The following EYS variants were observed in gnomAD, a reference collection of about 807,000 sequenced individuals.
EYS encodes protein eyes shut homolog.
Under a neutral mutation model 282.1 loss-of-function variants are expected in EYS, and 250 were observed. That is an observed-to-expected ratio of 0.89 (90% confidence interval 0.80 to 0.98). The LOEUF (loss-of-function observed/expected upper bound fraction) is 0.98, where lower values mean the gene tolerates loss of function less well. Ranked by LOEUF, EYS falls within the 50% of genes least tolerant of loss-of-function variation. EYS has a pLI of 0.00. For synonymous variants in EYS, 1,355 were observed against 1,282.9 expected, an observed-to-expected ratio of 1.06 and a Z score of -1.20; for missense variants, 4,016 against 3,709.0, an observed-to-expected ratio of 1.08 and a Z score of -2.15.
At chr6:64,262,787 A>T (rs142158866) in intron 30 of EYS, among the ~76,000 whole-genome samples, 2,456 of 152,104 alleles carry the variant, frequency 0.016, 47 homozygotes, top group Non-Finnish European at 0.02. Flanking sequence ...TTCAATAGGA[A>T]CAATTTTTCC....
At chr6:64,536,977 T>G (rs923107133) in intron 26 of EYS, among the ~76,000 whole-genome samples, 2 of 151,982 alleles carry the variant, frequency 1.3e-5, no homozygotes, top group African/African-American at 4.8e-5. Flanking sequence ...AGAGCTAAAT[T>G]TATGTGTCTC....
chr6:65,123,775 C>T (rs1327645757), intron 12 of EYS, among the ~76,000 whole-genome samples: 1 of 151,874 alleles, frequency 6.6e-6, no homozygotes, highest in African/African-American at 2.4e-5. Context: ...CACACACACA[C>T]ACACACACAC....
chr6:63,784,002 A>G (rs1770303343), intron 39 of EYS, among the ~76,000 whole-genome samples: 1 of 152,224 alleles, frequency 6.6e-6, no homozygotes, highest in South Asian at 2.1e-4. Context: ...AACAAAAAAG[A>G]GGGAATTCTT....
chr6:64,185,838 T>C (rs1764921972), intron 31 of EYS, among the ~76,000 whole-genome samples: 1 of 152,172 alleles, frequency 6.6e-6, no homozygotes, highest in South Asian at 2.1e-4. Flanking sequence ...TGCTATTCAC[T>C]TAATACACAT....
chr6:65,017,794 C>T (rs559925529), intron 13 of EYS, among the ~76,000 whole-genome samples: 7 of 152,246 alleles, frequency 4.6e-5, no homozygotes, highest in African/African-American at 1.7e-4. Context: ...CAAATTAAAG[C>T]TTTAGCTTTA....
At chr6:64,585,345 G>GA (rs2149827353) in intron 26 of EYS, among the ~76,000 whole-genome samples, 2 of 152,198 alleles carry the variant, frequency 1.3e-5, no homozygotes, top group South Asian at 4.1e-4. Context: ...GGTAGGGGTT[G>GA]AAATACCTAC....
intron 22 of EYS, among the ~76,000 whole-genome samples, chr6:64,784,222 C>A (rs527662850): frequency 4.6e-5 from 7 of 151,114 alleles, no homozygotes; most frequent in African/African-American, 1.7e-4. Context: ...AATTTGTATT[C>A]ATTGTTTATT....
At chr6:64,428,706 C>T (rs558679327) in intron 28 of EYS, among the ~76,000 whole-genome samples, 1 of 152,216 alleles carries the variant, frequency 6.6e-6, no homozygotes, top group East Asian at 1.9e-4. Context: ...ATGCATTTGG[C>T]AGAAATAAGC....
chr6:65,693,736 T>C (rs375746980), intron 1 of EYS, among the ~76,000 whole-genome samples: 1 of 150,098 alleles, frequency 6.7e-6, no homozygotes, highest in African/African-American at 2.4e-5. Flanking sequence ...AAAATCCATC[T>C]GAATTTTTTT....
intron 26 of EYS, among the ~76,000 whole-genome samples, chr6:64,527,077 A>G (rs982999220): frequency 6.6e-6 from 1 of 151,806 alleles, no homozygotes; most frequent in Admixed American, 6.6e-5. Context: ...TTCTGGTGAC[A>G]TTTTGAAGCC....
chr6:64,524,402 G>T (rs1350349892), intron 26 of EYS, among the ~76,000 whole-genome samples: 1 of 151,762 alleles, frequency 6.6e-6, no homozygotes. Flanking sequence ...GGCATAGTTT[G>T]CAAATATTTT....
chr6:65,094,751 A>T (rs1289986233), intron 12 of EYS, among the ~76,000 whole-genome samples: 1 of 151,266 alleles, frequency 6.6e-6, no homozygotes, highest in African/African-American at 2.4e-5. Flanking sequence ...GTTTATAGTT[A>T]TAAAAGCCTA....
At chr6:64,684,771 G>T (rs549483670) in intron 22 of EYS, among the ~76,000 whole-genome samples, 2 of 151,270 alleles carry the variant, frequency 1.3e-5, no homozygotes, top group Non-Finnish European at 3.0e-5. Context: ...TCCCAAGGAC[G>T]TTAATAAAAA....
chr6:65,096,654 A>G (rs1774747562), intron 12 of EYS, among the ~76,000 whole-genome samples: 1 of 151,024 alleles, frequency 6.6e-6, no homozygotes, highest in South Asian at 2.1e-4. Flanking sequence ...ATAGACATAT[A>G]GAGTAATCAA....
intron 29 of EYS, among the ~76,000 whole-genome samples, chr6:64,375,038 G>T (rs982076354): frequency 2.6e-5 from 4 of 152,172 alleles, no homozygotes; most frequent in Admixed American, 2.0e-4. Flanking sequence ...TTATTTTTAA[G>T]TACTAAGGTT....
Position 64,451,651 on chromosome 6 carries a change from C to T in EYS, c.5645-12299G>A, listed in dbSNP as rs760941487. Reference sequence around the variant, plus strand: ...CCGAATCCAGCAACACATCAAAAAGCTTATCCACCATGATCAAGCGGGCTT... The same window carrying T: ...CCGAATCCAGCAACACATCAAAAAGTTTATCCACCATGATCAAGCGGGCTT... On this transcript the variant is annotated intron_variant, in intron 26 of 42. Coordinates refer to ENST00000503581, the MANE Select transcript of EYS (RefSeq NM_001142800.2). 2.0e-5 allele frequency among the ~76,000 whole-genome samples: 3 copies of T among 152,136 alleles called. No individual in the cohort carries two copies. The South Asian group carries it at 6.2e-4, about 32-fold the overall frequency.
chr6:65,443,403 T>C (rs147730870), intron 5 of EYS, among the ~76,000 whole-genome samples: 35 of 148,802 alleles, frequency 2.4e-4, no homozygotes, highest in African/African-American at 6.3e-4. Flanking sequence ...TACATGTATG[T>C]ACACATATAG....
chr6:65,604,514 C>A (rs1467502290), intron 2 of EYS, among the ~76,000 whole-genome samples: 1 of 151,688 alleles, frequency 6.6e-6, no homozygotes, highest in Non-Finnish European at 1.5e-5. Flanking sequence ...TACTAAAATA[C>A]CAAGGTGTAG....
chr6:64,673,154 G>T (rs1264133683), intron 22 of EYS, among the ~76,000 whole-genome samples: 1 of 151,738 alleles, frequency 6.6e-6, no homozygotes, highest in Non-Finnish European at 1.5e-5. Context: ...AAATGCCATA[G>T]AATTTCATAT....
Sources: allele counts gnomAD v4.1 joint callset (sites outside exome capture counted in the v4.1 genomes callset), GRCh38; gene constraint gnomAD v4.1.1; transcripts MANE v1.5; gene names NCBI Gene and HGNC (gene_info 2026-07-23, HGNC 2026-07-21).